Variants in ADGRL3 observed in about 807,000 individuals in gnomAD.
ADGRL3 encodes the protein calcium-independent alpha-latrotoxin receptor 3.
In ADGRL3, 62 loss-of-function variants were observed where a neutral mutation model predicts 153.5. The ratio of observed to expected loss-of-function variants is 0.40; its 90% confidence interval spans 0.33 to 0.50. ADGRL3 has a LOEUF of 0.50. Ranked by LOEUF, ADGRL3 falls within the 20% of genes least tolerant of loss-of-function variation. The pLI, the probability that ADGRL3 is intolerant of heterozygous loss-of-function variation, is 0.47. For missense variants in ADGRL3, 1,641 were observed against 1,859.4 expected (o/e 0.88, Z 2.16); for synonymous variants, 710 against 672.5 (o/e 1.06, Z -0.86).
chr4:61,255,996 A>C (rs757548483), intron 1 of ADGRL3, among the ~76,000 whole-genome samples: 18 of 152,154 alleles, frequency 1.2e-4, no homozygotes, highest in Non-Finnish European at 2.5e-4. Context: ...CAATCTTTTA[A>C]GTTCCTTCAA....
chr4:61,232,350 CCA>C (rs1751032339), intron 1 of ADGRL3, among the ~76,000 whole-genome samples: 1 of 151,624 alleles, frequency 6.6e-6, no homozygotes, highest in African/African-American at 2.4e-5. Flanking sequence ...TTTTTGTTCC[CCA>C]GATTGGAGTG....
intron 11 of ADGRL3, among the ~76,000 whole-genome samples, chr4:61,896,041 T>C (rs1281749842): frequency 6.6e-6 from 1 of 152,128 alleles, no homozygotes; most frequent in Admixed American, 6.5e-5. Context: ...CTTATATTGC[T>C]TATAATAATT....
intron 20 of ADGRL3, among the ~76,000 whole-genome samples, chr4:61,997,743 A>G (rs1249727253): frequency 6.6e-6 from 1 of 152,210 alleles, no homozygotes; most frequent in Non-Finnish European, 1.5e-5. Context: ...AGCTACACAA[A>G]AATATATTGA....
At chr4:61,646,812 G>C (rs1237349516) in intron 5 of ADGRL3, among the ~76,000 whole-genome samples, 66 of 152,304 alleles carry the variant, frequency 4.3e-4, no homozygotes, top group Non-Finnish European at 8.5e-4. Context: ...CACCCAGTTT[G>C]AGCTTCCCAG....
chr4:61,756,194 A>G (rs1027844545), intron 8 of ADGRL3, among the ~76,000 whole-genome samples: 5 of 152,168 alleles, frequency 3.3e-5, no homozygotes, highest in African/African-American at 1.2e-4. Context: ...CGTTGAATCT[A>G]TAAATTACCT....
At chr4:61,425,621 A>ATGGG (rs2097267994) in intron 2 of ADGRL3, among the ~76,000 whole-genome samples, 1 of 152,198 alleles carries the variant, frequency 6.6e-6, no homozygotes, top group African/African-American at 2.4e-5. Context: ...GCTTCTGCCC[A>ATGGG]GGGTGGTGCT....
chr4:61,435,807 A>T (rs915791072), intron 2 of ADGRL3, among the ~76,000 whole-genome samples: 7 of 150,396 alleles, frequency 4.7e-5, no homozygotes, highest in African/African-American at 1.7e-4. Flanking sequence ...AAACTTTCCA[A>T]TTAGACACCA....
intron 5 of ADGRL3, among the ~76,000 whole-genome samples, chr4:61,637,467 T>G (rs2093473295): frequency 1.3e-5 from 2 of 152,080 alleles, no homozygotes; most frequent in South Asian, 4.1e-4. Context: ...TGGGCATAAG[T>G]AAAAGGTCAG....
chr4:61,930,319 G>A (rs1010415967), intron 13 of ADGRL3, among the ~76,000 whole-genome samples: 2 of 152,156 alleles, frequency 1.3e-5, no homozygotes, highest in East Asian at 1.9e-4. Context: ...GCTTACTTTC[G>A]TAGTTTGATA....
intron 1 of ADGRL3, among the ~76,000 whole-genome samples, chr4:61,352,953 T>G (rs889648411): frequency 3.6e-4 from 55 of 152,186 alleles, no homozygotes; most frequent in African/African-American, 1.3e-3. Context: ...TGTGCTAGTA[T>G]CCAAACTTGC....
intron 2 of ADGRL3, among the ~76,000 whole-genome samples, chr4:61,442,189 A>T (rs1047577633): frequency 6.6e-6 from 1 of 152,202 alleles, no homozygotes; most frequent in Non-Finnish European, 1.5e-5. Flanking sequence ...AATAGATAGT[A>T]GAGTTGGTTA....
chr4:62,042,449 A>T (rs1728885116), intron 24 of ADGRL3, among the ~76,000 whole-genome samples: 1 of 151,898 alleles, frequency 6.6e-6, no homozygotes, highest in Non-Finnish European at 1.5e-5. Flanking sequence ...TAAAGGAATT[A>T]TGCATACCTG....
At chr4:61,680,303 A>C (rs1351736377) in intron 6 of ADGRL3, among the ~76,000 whole-genome samples, 2 of 151,598 alleles carry the variant, frequency 1.3e-5, no homozygotes, top group African/African-American at 4.8e-5. Context: ...CGAATTTATG[A>C]CCACAAACTT....
intron 4 of ADGRL3, among the ~76,000 whole-genome samples, chr4:61,582,301 C>T (rs1041534420): frequency 2.0e-5 from 3 of 151,894 alleles, no homozygotes; most frequent in East Asian, 1.9e-4. Flanking sequence ...GGTATTAAGC[C>T]GTGCATGCTT....
At chr4:61,469,833 AG>A (rs1158281605) in intron 2 of ADGRL3, among the ~76,000 whole-genome samples, 1 of 152,020 alleles carries the variant, frequency 6.6e-6, no homozygotes, top group Non-Finnish European at 1.5e-5. Context: ...GATAATTCCA[AG>A]GTCTGAAACT....
At position 61,357,584 on chromosome 4, in the gene ADGRL3, T is replaced by C. The variant is rs984235577; in HGVS notation, c.-239-25540T>C. Among the ~76,000 whole-genome samples, 5 of 152,160 alleles carry C rather than the reference T, an allele frequency of 3.3e-5. No individual in the cohort carries two copies. The East Asian group carries it at 5.8e-4, about 18-fold the overall frequency. ...CTTTCTTTAGTTTACACTGTGAGTA[T>C]TTTAAAGAGTATTTTACATTTTCTA... On this transcript the variant is annotated intron_variant, in intron 1 of 26. Transcript: ENST00000683033.
intron 2 of ADGRL3, among the ~76,000 whole-genome samples, chr4:61,398,602 C>T (rs2152089969): frequency 6.6e-6 from 1 of 151,490 alleles, no homozygotes; most frequent in South Asian, 2.1e-4. Context: ...TCCTGTCTTC[C>T]CTAGGTTTTG....
intron 2 of ADGRL3, among the ~76,000 whole-genome samples, chr4:61,418,259 A>G (rs545997669): frequency 2.0e-5 from 3 of 152,308 alleles, no homozygotes; most frequent in Admixed American, 2.0e-4. Flanking sequence ...TAGAAGCGCA[A>G]TTTCTCTTTA....
chr4:61,728,912 A>G (rs1379210711), intron 6 of ADGRL3, among the ~76,000 whole-genome samples: 1 of 152,072 alleles, frequency 6.6e-6, no homozygotes, highest in African/African-American at 2.4e-5. Context: ...ATAAGGCTTG[A>G]GATGCCTGTA....
Sources: gnomAD v4.1 joint callset for allele counts (sites outside exome capture counted in the v4.1 genomes callset) on GRCh38, gnomAD v4.1.1 for gene constraint, MANE v1.5 for transcripts, NCBI Gene and HGNC (gene_info 2026-07-23, HGNC 2026-07-21) for gene names.